The following ERBB4 variants were observed in gnomAD, a reference collection of about 807,000 sequenced individuals.
ERBB4 encodes the protein receptor tyrosine-protein kinase erbB-4.
ERBB4 carries 42 observed loss-of-function variants against 158.0 expected under a neutral mutation model. That is an observed-to-expected ratio of 0.27 (90% CI 0.21 to 0.34). The LOEUF is 0.34. Ranked by LOEUF, ERBB4 falls within the 10% of genes least tolerant of loss-of-function variation. ERBB4 has a pLI of 1.00. For synonymous variants in ERBB4, 583 were observed against 558.7 expected (o/e 1.04, Z -0.61); for missense variants, 1,333 against 1,624.1 (o/e 0.82, Z 3.08).
intron 1 of ERBB4, among the ~76,000 whole-genome samples, chr2:212,388,781 C>A (rs1008059887): frequency 7.9e-5 from 12 of 151,990 alleles, no homozygotes; most frequent in African/African-American, 2.9e-4. Flanking sequence ...ATTAACAGAC[C>A]GTTCTTAGGG....
rs2064833791 is a variant in ERBB4 at position 211,471,790 on chromosome 2, T to C, written c.2488-40690A>G. Reference sequence around the variant, plus strand: ...GTATCTCAATCAGAGGGACAGCAGATAAAAATAATGAGCAGTCTGAAAGAA... The same window carrying C: ...GTATCTCAATCAGAGGGACAGCAGACAAAAATAATGAGCAGTCTGAAAGAA... On this transcript the variant is annotated intron_variant, in intron 20 of 27. Transcript: ENST00000342788. 2.0e-5 allele frequency among the ~76,000 whole-genome samples: 3 copies of C among 151,994 alleles called. No individual in the cohort carries two copies. In the South Asian group the frequency reaches 6.2e-4, roughly 31 times the overall value.
At chr2:211,710,069 G>T (rs1413335300) in intron 9 of ERBB4, among the ~76,000 whole-genome samples, 2 of 151,946 alleles carry the variant, frequency 1.3e-5, no homozygotes, top group Non-Finnish European at 2.9e-5. Context: ...TACAACTAGA[G>T]AATTATAATA....
intron 12 of ERBB4, among the ~76,000 whole-genome samples, chr2:211,686,330 TC>T (rs893122518): frequency 6.6e-6 from 1 of 152,160 alleles, no homozygotes; most frequent in Non-Finnish European, 1.5e-5. Context: ...GTTAAAATTT[TC>T]AAATGCTTTT....
At chr2:212,492,475 G>T (rs1690334139) in intron 1 of ERBB4, among the ~76,000 whole-genome samples, 1 of 151,272 alleles carries the variant, frequency 6.6e-6, no homozygotes, top group Non-Finnish European at 1.5e-5. Context: ...ATAAAAGAAA[G>T]AAAATTAATT....
At chr2:211,543,763 G>A (rs1343868910) in intron 20 of ERBB4, among the ~76,000 whole-genome samples, 2 of 149,076 alleles carry the variant, frequency 1.3e-5, no homozygotes, top group Admixed American at 6.8e-5. Context: ...TCTAGCAGGC[G>A]CTGCTGTAAT....
At chr2:212,070,013 G>T (rs576344835) in intron 2 of ERBB4, among the ~76,000 whole-genome samples, 2 of 151,946 alleles carry the variant, frequency 1.3e-5, no homozygotes, top group Admixed American at 1.3e-4. Flanking sequence ...CTAGCTACTT[G>T]GGAAGCTGAG....
intron 1 of ERBB4, among the ~76,000 whole-genome samples, chr2:212,170,508 G>GA (rs1192044165): frequency 6.6e-6 from 1 of 152,168 alleles, no homozygotes; most frequent in Non-Finnish European, 1.5e-5. Context: ...AGACAATGGG[G>GA]AAAATGTCTC....
chr2:212,265,151 A>G (rs1421210756), intron 1 of ERBB4, among the ~76,000 whole-genome samples: 1 of 152,136 alleles, frequency 6.6e-6, no homozygotes, highest in African/African-American at 2.4e-5. Context: ...GAAGACAAAT[A>G]GGACCAGGCC....
intron 2 of ERBB4, among the ~76,000 whole-genome samples, chr2:211,988,284 C>T (rs1033475578): frequency 2.0e-5 from 3 of 152,056 alleles, no homozygotes; most frequent in African/African-American, 7.2e-5. Flanking sequence ...TTCAAGTTCA[C>T]ACCGCTTACT....
chr2:212,308,982 T>C (rs1241189905), intron 1 of ERBB4, among the ~76,000 whole-genome samples: 2 of 150,762 alleles, frequency 1.3e-5, no homozygotes, highest in Non-Finnish European at 3.0e-5. Context: ...CTTGAGGAGG[T>C]TCTTTTCAAT....
intron 3 of ERBB4, among the ~76,000 whole-genome samples, chr2:211,905,359 C>CCAGATGA (rs2079350988): frequency 6.6e-6 from 1 of 151,850 alleles, no homozygotes; most frequent in African/African-American, 2.4e-5. Context: ...CTGGGACCAC[C>CCAGATGA]CAGATGATGC....
At chr2:212,227,534 T>C (rs2083514044) in intron 1 of ERBB4, among the ~76,000 whole-genome samples, 1 of 152,206 alleles carries the variant, frequency 6.6e-6, no homozygotes, top group Admixed American at 6.5e-5. Flanking sequence ...TTTGAATAGT[T>C]ACTTTATATA....
At chr2:211,775,526 G>A (rs890994557) in intron 4 of ERBB4, among the ~76,000 whole-genome samples, 10 of 152,208 alleles carry the variant, frequency 6.6e-5, no homozygotes, top group Admixed American at 2.6e-4. Context: ...TTAGCTAAAA[G>A]TGATCAGGCC....
chr2:211,700,704 C>G, intron 12 of ERBB4, among the ~76,000 whole-genome samples: 1 of 151,894 alleles, frequency 6.6e-6, no homozygotes, highest in Middle Eastern at 3.4e-3. Context: ...TCTATTTATT[C>G]ACACACACAC....
chr2:212,315,872 T>G (rs2087250108), intron 1 of ERBB4, among the ~76,000 whole-genome samples: 1 of 151,476 alleles, frequency 6.6e-6, no homozygotes, highest in South Asian at 2.1e-4. Flanking sequence ...AAGTAACAAT[T>G]GAACTCACAG....
chr2:211,431,330 A>G (rs1239783715), intron 20 of ERBB4, among the ~76,000 whole-genome samples: 1 of 152,198 alleles, frequency 6.6e-6, no homozygotes, highest in Non-Finnish European at 1.5e-5. Flanking sequence ...TTACTTTCAC[A>G]TGAGCTAAAT....
chr2:211,825,406 G>A (rs944104127), intron 3 of ERBB4, among the ~76,000 whole-genome samples: 1 of 151,748 alleles, frequency 6.6e-6, no homozygotes, highest in Non-Finnish European at 1.5e-5. Context: ...TGTATAAATA[G>A]CAAAATGAAT....
At chr2:211,433,113 A>G (rs16846161) in intron 20 of ERBB4, among the ~76,000 whole-genome samples, 14,810 of 152,234 alleles carry the variant, frequency 0.097, 735 homozygotes, top group East Asian at 0.16. Flanking sequence ...ACTTGCACCA[A>G]GATATGCAAT....
intron 2 of ERBB4, among the ~76,000 whole-genome samples, chr2:212,095,848 T>C (rs1303887985): frequency 1.4e-5 from 2 of 146,602 alleles, no homozygotes; most frequent in African/African-American, 2.5e-5. Context: ...GGCAGGAGAA[T>C]GGCGTAAACC....
Sources: gnomAD v4.1 joint callset for allele counts (sites outside exome capture counted in the v4.1 genomes callset) on GRCh38, gnomAD v4.1.1 for gene constraint, MANE v1.5 for transcripts, NCBI Gene and HGNC (gene_info 2026-07-23, HGNC 2026-07-21) for gene names.